ZNF678: variants seen among roughly 807,000 people sequenced by gnomAD.
ZNF678 encodes zinc finger protein 678, also known as hypothetical protein MGC42493.
ZNF678 carries 5 observed loss-of-function variants against 3.0 expected under a neutral mutation model. The ratio of observed to expected loss-of-function variants is 1.69; its 90% CI spans 0.88 to 3.56. The LOEUF (loss-of-function observed/expected upper bound fraction) is 3.56. Ranked by LOEUF, ZNF678 falls within the 30% of genes most tolerant of loss-of-function variation. The pLI, the probability that ZNF678 is intolerant of heterozygous loss-of-function variation, is 0.00. For missense variants in ZNF678, 593 were observed against 605.0 expected (o/e 0.98, Z 0.21); for synonymous variants, 218 against 199.6 (o/e 1.09, Z -0.78).
rs1002247819 is a variant in ZNF678 at position 227,656,430 on chromosome 1, A to G, written c.*602A>G. 44 of 151,800 alleles carry G rather than the reference A, an allele frequency of 2.9e-4. No homozygotes were observed. The highest frequency in any genetic ancestry group is 8.0e-4 in the African/African-American group (33 of 41,402). The allele number at this position is 151,800 out of a possible 1,614,324, so 9.4% of individuals were successfully genotyped here. A position where few individuals can be genotyped will look rare whatever the true frequency, so the allele number is the denominator to read the frequency against. ...TAAAAGTTTTTATATTTTTGATTATATATTTTAATATTGATATAATTCATA... is the reference window on the plus strand; with the variant it reads ...TAAAAGTTTTTATATTTTTGATTATGTATTTTAATATTGATATAATTCATA... On this transcript the variant is annotated 3_prime_UTR_variant, in exon 4 of 4. Coordinates refer to ENST00000343776, the MANE Select transcript of ZNF678 (RefSeq NM_001367909.1).
At chr1:227,566,647 A>T (rs1293585255) in intron 1 of ZNF678, among the ~76,000 whole-genome samples, 1 of 152,224 alleles carries the variant, frequency 6.6e-6, no homozygotes, top group Admixed American at 6.5e-5. Context: ...TTGTCACCTT[A>T]AAAAGATTTG....
downstream of ZNF678, among the ~76,000 whole-genome samples, chr1:227,665,996 T>C (rs941810607): frequency 2.0e-5 from 3 of 152,226 alleles, no homozygotes; most frequent in African/African-American, 7.2e-5. Context: ...ACTTCTAGTT[T>C]AGTGAGGATA....
intron 5 of ZNF678, among the ~76,000 whole-genome samples, chr1:227,669,770 G>A (rs1659569854): frequency 1.3e-5 from 2 of 152,094 alleles, no homozygotes; most frequent in South Asian, 4.2e-4. Context: ...AATTAGTTCA[G>A]CCACTGTGGA....
At chr1:227,583,345 CTTTTTTCT>C (rs1232401517) in intron 1 of ZNF678, among the ~76,000 whole-genome samples, 4 of 145,332 alleles carry the variant, frequency 2.8e-5, no homozygotes, top group African/African-American at 5.0e-5. Flanking sequence ...CTTTTTTTTT[CTTTTTTCT>C]TTTTTTTTTT....
In ZNF678 at chr1:227,651,014, T is replaced by A. The variant is rs370012623; in HGVS notation, c.23T>A (p.Ile8Asn). ...ATAATGGGCACAATATCACTTTGCA[T>A]TGGTGTCTGTGCATTTGAAGGAGCA... is the stretch of plus-strand genomic sequence containing the variant. MGTISLC[I>N]GVCAFEGANT... The change falls in exon 3 of 4, where the codon ATT becomes AAT. Residue 8 changes from isoleucine (I) to asparagine (N), a missense_variant. Transcript: ENST00000343776. 2.2e-5 allele frequency: 35 copies of A among 1,613,310 alleles called. No individual in the cohort carries two copies. The East Asian group carries it at 6.2e-4, about 29-fold the overall frequency.
At chr1:227,599,837 G>T (rs1199934818) in intron 1 of ZNF678, among the ~76,000 whole-genome samples, 7 of 152,072 alleles carry the variant, frequency 4.6e-5, no homozygotes, top group South Asian at 2.1e-4. Flanking sequence ...TTTCAAGCAC[G>T]GGGTACATGT....
chr1:227,662,453 C>T lies in ZNF678; in HGVS notation c.*6625C>T, dbSNP rs1343450446. On this transcript the variant is annotated 3_prime_UTR_variant, in exon 4 of 4. Coordinates refer to ENST00000343776, the MANE Select transcript of ZNF678 (RefSeq NM_001367909.1). ...AGATGATTTACAATAAACCTTTTGACCTAACGCACATACTTGTTTTCTTTA... is the reference window on the plus strand; with the variant it reads ...AGATGATTTACAATAAACCTTTTGATCTAACGCACATACTTGTTTTCTTTA... 6.6e-6 allele frequency: 1 copy of T among 152,126 alleles called. No individual in the cohort carries two copies. The highest frequency in any genetic ancestry group is 6.6e-5 in the Admixed American group (1 of 15,260). The allele number at this position is 152,126 out of a possible 1,614,324, so 9.4% of individuals were successfully genotyped here. A position where few individuals can be genotyped will look rare whatever the true frequency, so the allele number is the denominator to read the frequency against.
chr1:227,597,713 A>C (rs1424634130), intron 1 of ZNF678, among the ~76,000 whole-genome samples: 1 of 152,232 alleles, frequency 6.6e-6, no homozygotes, highest in Non-Finnish European at 1.5e-5. Flanking sequence ...TTGGCATGAC[A>C]ACAGGCTGAA....
At chr1:227,611,325 T>C (rs1000666107) in intron 1 of ZNF678, among the ~76,000 whole-genome samples, 22 of 152,146 alleles carry the variant, frequency 1.4e-4, no homozygotes, top group Non-Finnish European at 1.0e-4. Flanking sequence ...ACCCTATCTA[T>C]ACAAGATTCA....
At chr1:227,664,872 C>T (rs190224118), downstream of ZNF678, among the ~76,000 whole-genome samples, 504 of 152,260 alleles carry the variant, frequency 3.3e-3, no homozygotes, top group Non-Finnish European at 5.9e-3. Context: ...ATGTCAGCTC[C>T]TTGCCTATAC....
At chr1:227,629,130 T>G (rs943084452) in intron 1 of ZNF678, among the ~76,000 whole-genome samples, 4 of 152,214 alleles carry the variant, frequency 2.6e-5, no homozygotes, top group African/African-American at 9.6e-5. Flanking sequence ...ATGGTTTTAC[T>G]AGGCCTTGGG....
At chr1:227,676,812 G>A (rs546931612) in intron 5 of ZNF678, among the ~76,000 whole-genome samples, 155 of 152,034 alleles carry the variant, frequency 1.0e-3, no homozygotes, top group African/African-American at 3.7e-3. Flanking sequence ...GAGAATGATG[G>A]TTTCCAGCTT....
rs12565099 is a variant in ZNF678 at position 227,623,104 on chromosome 1, C to T, written c.-163-23440C>T. Among the ~76,000 whole-genome samples the T allele has an allele frequency of 4.6e-3, 701 of 152,324 alleles. 19 individuals are homozygous for T. The South Asian group carries it at 0.057, about 12-fold the overall frequency. The stretch of plus-strand genomic sequence containing the variant: ...TCATAATAGTGGCAGCATGTTCTGA[C>T]ACTTAAAAATTCCTGAAATAATCTT... On this transcript the variant is annotated intron_variant, in intron 1 of 3. Transcript: ENST00000343776.
At position 227,655,507 on chromosome 1, in the gene ZNF678, C is replaced by T. The variant is rs1420145825; in HGVS notation, c.1257C>T (p.His419=). The change falls in exon 4 of 4, where the codon CAC becomes CAT. Residue 419 remains histidine (H), a synonymous_variant. Coordinates refer to ENST00000343776, the MANE Select transcript of ZNF678 (RefSeq NM_001367909.1). ...ECGKVFKQCS[H]LTSHKRIHTG... ...GGAAAGTTTTTAAACAGTGCTCTCA[C>T]CTAACTAGCCATAAGAGAATTCATA... 1 of 1,612,434 alleles carries T rather than the reference C, an allele frequency of 6.2e-7. No homozygotes were observed. The highest frequency in any genetic ancestry group is 8.5e-7 in the Non-Finnish European group (1 of 1,179,350).
chr1:227,579,653 C>T (rs112042054), intron 1 of ZNF678, among the ~76,000 whole-genome samples: 1,635 of 152,176 alleles, frequency 0.011, 33 homozygotes, highest in African/African-American at 0.038. Flanking sequence ...AGGTCTTCAC[C>T]AGTCGGGCAT....
chr1:227,592,076 G>A (rs545011931), intron 1 of ZNF678, among the ~76,000 whole-genome samples: 2 of 152,282 alleles, frequency 1.3e-5, no homozygotes, highest in South Asian at 2.1e-4. Flanking sequence ...GGTCTCAGAG[G>A]TTGGGCCCAC....
At chr1:227,628,892 G>A (rs1204720624) in intron 1 of ZNF678, among the ~76,000 whole-genome samples, 1 of 152,184 alleles carries the variant, frequency 6.6e-6, no homozygotes, top group Non-Finnish European at 1.5e-5. Context: ...ATCTTCAAAG[G>A]CAAACAAGAA....
intron 1 of ZNF678, among the ~76,000 whole-genome samples, chr1:227,603,039 T>A (rs1009227107): frequency 1.3e-5 from 2 of 151,830 alleles, no homozygotes; most frequent in African/African-American, 2.4e-5. Context: ...TTGTGACCCA[T>A]ACAAGCATGT....
intron 1 of ZNF678, among the ~76,000 whole-genome samples, chr1:227,609,822 C>T (rs1427750190): frequency 6.6e-6 from 1 of 152,000 alleles, no homozygotes; most frequent in Non-Finnish European, 1.5e-5. Flanking sequence ...CAACCTCTGC[C>T]TCCCAGGTTC....
Sources: gnomAD v4.1 joint callset for allele counts (sites outside exome capture counted in the v4.1 genomes callset) on GRCh38, gnomAD v4.1.1 for gene constraint, MANE v1.5 for transcripts, NCBI Gene and HGNC (gene_info 2026-07-23, HGNC 2026-07-21) for gene names.